MAJIN: variants seen among roughly 807,000 people sequenced by gnomAD.
MAJIN encodes the protein membrane anchored junction protein.
A neutral mutation model predicts 30.2 loss-of-function variants in MAJIN; 27 were observed. The ratio of observed to expected loss-of-function variants is 0.89; its 90% CI spans 0.66 to 1.23. MAJIN has a LOEUF of 1.23. Ranked by LOEUF, MAJIN falls within the 50% of genes most tolerant of loss-of-function variation. The pLI, the probability that MAJIN is intolerant of heterozygous loss-of-function variation, is 0.00. For synonymous variants in MAJIN, 78 were observed against 91.6 expected, an observed-to-expected ratio of 0.85 and a Z score of 0.85; for missense variants, 253 against 260.3, an observed-to-expected ratio of 0.97 and a Z score of 0.19.
chr11:64,954,697 T>G, intron 4 of MAJIN, 60 bp downstream of exon 4: 1 of 1,529,798 alleles, frequency 6.5e-7, no homozygotes, highest in Non-Finnish European at 9.1e-7. Context: ...AATTAAAACC[T>G]GAATGTGGAT....
intron 9 of MAJIN, 113 bp downstream of exon 9, chr11:64,940,461 C>A: frequency 3.8e-6 from 4 of 1,060,428 alleles, no homozygotes; most frequent in South Asian, 2.6e-5. Context: ...GAGCAAGGCA[C>A]ATTACCCACT....
chr11:64,958,213 G>A (rs1945666778), intron 3 of MAJIN, among the ~76,000 whole-genome samples: 1 of 149,890 alleles, frequency 6.7e-6, no homozygotes, highest in Non-Finnish European at 1.5e-5. Flanking sequence ...GCCTCCCAAA[G>A]TGCTGGGATT....
At chr11:64,941,792 G>T (rs1565119839) in intron 8 of MAJIN, among the ~76,000 whole-genome samples, 1 of 152,210 alleles carries the variant, frequency 6.6e-6, no homozygotes, top group Non-Finnish European at 1.5e-5. Context: ...TATTTGAATG[G>T]AGCCTTGATG....
intron 1 of MAJIN, among the ~76,000 whole-genome samples, chr11:64,966,792 G>A (rs1408695470): frequency 6.6e-6 from 1 of 151,820 alleles, no homozygotes; most frequent in African/African-American, 2.4e-5. Flanking sequence ...AAACTAGCTG[G>A]GCATGGTGGC....
intron 1 of MAJIN, among the ~76,000 whole-genome samples, chr11:64,970,506 A>T (rs1945883538): frequency 6.7e-6 from 1 of 149,172 alleles, no homozygotes. Context: ...AGCTGGGACT[A>T]CAGGAGCCTG....
chr11:64,950,442 A>G lies in MAJIN; in HGVS notation c.148-12T>C, dbSNP rs1466301932. On this transcript the variant is annotated splice_polypyrimidine_tract_variant and intron_variant, in intron 4 of 10. Coordinates refer to ENST00000301896, the MANE Select transcript of MAJIN (RefSeq NM_001037225.3). ...ACGCGGACAGAATCCTGAAAAACAT[A>G]TTTGAAATGACTTTAACACTGTTGA... 1 of 1,610,622 alleles carries G rather than the reference A, an allele frequency of 6.2e-7. No individual in the cohort carries two copies. The highest frequency in any genetic ancestry group is 1.7e-5 in the Admixed American group (1 of 59,926).
At chr11:64,952,147 C>T (rs922872886) in intron 4 of MAJIN, among the ~76,000 whole-genome samples, 3 of 151,938 alleles carry the variant, frequency 2.0e-5, no homozygotes, top group Non-Finnish European at 4.4e-5. Flanking sequence ...CCTTGGCCTC[C>T]CAAAGTGCTA....
rs773681824 is a variant in MAJIN at position 64,954,810 on chromosome 11, G to A, written c.102-8C>T. ...TTTTCTATCTCTTCTCCTCTAGAAG[G>A]TAAACAGACAAGAGACAAGTAAGAC... On this transcript the variant is annotated splice_polypyrimidine_tract_variant and splice_region_variant and intron_variant, in intron 3 of 10. Transcript: ENST00000301896. 1 of 1,605,436 alleles carries A rather than the reference G, an allele frequency of 6.2e-7. No individual in the cohort carries two copies. Among genetic ancestry groups the A allele is most frequent in the South Asian group, 1.1e-5 (1 of 89,494 alleles).
rs771930121 is a variant in MAJIN, at chr11:64,949,876, A to T, written c.224-8T>A. On this transcript the variant is annotated splice_region_variant and splice_polypyrimidine_tract_variant and intron_variant, in intron 5 of 10. Transcript: ENST00000301896. Reference sequence around the variant, plus strand: ...TCTCCCATTTGCTTTTATCTGGAAAATGGTGCTAAGGAGTAAGGAAAGATG... The same window carrying T: ...TCTCCCATTTGCTTTTATCTGGAAATTGGTGCTAAGGAGTAAGGAAAGATG... The T allele has an allele frequency of 1.2e-6, 2 of 1,601,832 alleles. No homozygotes were observed. The highest frequency in any genetic ancestry group is 1.7e-6 in the Non-Finnish European group (2 of 1,179,790).
intron 3 of MAJIN, among the ~76,000 whole-genome samples, chr11:64,957,364 G>C (rs1045362128): frequency 2.6e-5 from 4 of 152,102 alleles, no homozygotes; most frequent in Non-Finnish European, 5.9e-5. Context: ...ACAAGAGTGA[G>C]CCACTGCACC....
At chr11:64,939,922 A>G (rs1019252872) in intron 9 of MAJIN, 155 bp from the exon 10 acceptor site, 22 of 591,376 alleles carry the variant, frequency 3.7e-5, no homozygotes, top group Non-Finnish European at 5.8e-5. Flanking sequence ...TCCCAATTTC[A>G]TCTCAGCTCA....
intron 8 of MAJIN, among the ~76,000 whole-genome samples, chr11:64,946,443 A>C (rs903342060): frequency 1.3e-5 from 2 of 152,234 alleles, no homozygotes; most frequent in Non-Finnish European, 2.9e-5. Flanking sequence ...GAGAAAGGGA[A>C]GATCTGAGAC....
At chr11:64,948,903 C>T (rs1443027657) in intron 6 of MAJIN, among the ~76,000 whole-genome samples, 5 of 148,042 alleles carry the variant, frequency 3.4e-5, no homozygotes, top group Non-Finnish European at 7.5e-5. Context: ...ATCCTCTTGC[C>T]TCGGCCTCCC....
chr11:64,940,819 TTTTCTTTTTTTC>T (rs1414546763), intron 8 of MAJIN, among the ~76,000 whole-genome samples, 173 bp from the exon 9 acceptor site: 88 of 49,268 alleles, frequency 1.8e-3, no homozygotes, highest in Non-Finnish European at 3.2e-3. Flanking sequence ...TCCTTTTTTC[TTTTCTTTTTTTC>T]TTTCTTTTTT....
chr11:64,952,080 G>A (rs1235754524), intron 4 of MAJIN, among the ~76,000 whole-genome samples: 2 of 152,016 alleles, frequency 1.3e-5, no homozygotes, highest in Non-Finnish European at 2.9e-5. Flanking sequence ...GTAGAGATGG[G>A]GTTTCGCCAT....
chr11:64,966,128 GGAA>G (rs1431370130), intron 1 of MAJIN, among the ~76,000 whole-genome samples: 1 of 81,682 alleles, frequency 1.2e-5, no homozygotes, highest in South Asian at 3.2e-4. Flanking sequence ...GTACATGTAA[GGAA>G]GAAGATTAAA....
chr11:64,966,366 C>G (rs58187497), intron 1 of MAJIN, among the ~76,000 whole-genome samples: 6,231 of 151,342 alleles, frequency 0.041, 163 homozygotes, highest in Middle Eastern at 0.067. Context: ...GAAACTCTGT[C>G]TCTACTAAAA....
intron 1 of MAJIN, among the ~76,000 whole-genome samples, chr11:64,962,094 T>A (rs1450582543): frequency 1.3e-5 from 2 of 152,178 alleles, no homozygotes; most frequent in African/African-American, 2.4e-5. Flanking sequence ...GCCAGGGGAT[T>A]CTACTAGGAT....
In MAJIN at chr11:64,939,756, C is replaced by T. The variant is rs1343689264; in HGVS notation, c.558G>A (p.Gly186=). The change falls in exon 10 of 11, where the codon GGG becomes GGA. Residue 186 remains glycine (G), a synonymous_variant. Transcript: ENST00000301896. ...SLMSRNKILS[G]DTACQGELSH... ...ACAATTCGCCCTGGCAGGCTGTGTC[C>T]CCACTCAGAATCTGTAAGGAAAACA... The T allele has an allele frequency of 6.2e-7, 1 of 1,613,540 alleles. No individual in the cohort carries two copies. Among genetic ancestry groups the T allele is most frequent in the Non-Finnish European group, 8.5e-7 (1 of 1,179,804 alleles).
Sources: gnomAD v4.1 joint callset for allele counts (sites outside exome capture counted in the v4.1 genomes callset) on GRCh38, gnomAD v4.1.1 for gene constraint, MANE v1.5 for transcripts, NCBI Gene and HGNC (gene_info 2026-07-23, HGNC 2026-07-21) for gene names.